The following IPP variants were observed in gnomAD, a reference collection of about 807,000 sequenced individuals.
IPP encodes intracisternal A particle-promoted polypeptide, also known as actin-binding protein IPP.
In IPP, 41 loss-of-function variants were observed where a neutral mutation model predicts 64.1. That is an observed-to-expected ratio of 0.64 (90% CI 0.50 to 0.83). The LOEUF (loss-of-function observed/expected upper bound fraction) is 0.83, where lower values mean the gene tolerates loss of function less well. Among genes scored for constraint, IPP ranks in the 40% least tolerant of loss-of-function variants. The probability of loss-of-function intolerance (pLI) is 0.00; values close to 1 mark genes in which losing one functional copy is unlikely to be tolerated. For missense variants in IPP, 649 were observed against 703.0 expected, an observed-to-expected ratio of 0.92 and a Z score of 0.87; for synonymous variants, 214 against 235.2, an observed-to-expected ratio of 0.91 and a Z score of 0.83.
At chr1:45,736,273 T>C (rs938959800) in intron 3 of IPP, among the ~76,000 whole-genome samples, 1 of 152,122 alleles carries the variant, frequency 6.6e-6, no homozygotes, top group African/African-American at 2.4e-5. Context: ...TGTTTTTATA[T>C]TTCTGTATTA....
chr1:45,715,194 CAA>C lies in IPP; in HGVS notation c.1310-730_1310-729del, dbSNP rs199978194. Among the ~76,000 whole-genome samples the C allele has an allele frequency of 6.3e-3, 643 of 102,824 alleles. 1 individual carries two copies. Among genetic ancestry groups the C allele is most frequent in the African/African-American group, 0.014 (360 of 26,662 alleles). The allele number at this position is 102,824 out of a possible 152,430, so 67.5% of individuals were successfully genotyped here. A position where few individuals can be genotyped will look rare whatever the true frequency, so the allele number is the denominator to read the frequency against. ...TGGGCAACAGAGCCAGACCTTCTCT[CAA>C]AAAAAAAAAAAAAAAAAAATTACTA... On this transcript the variant is annotated intron_variant, in intron 7 of 8. Coordinates refer to ENST00000396478, the MANE Select transcript of IPP (RefSeq NM_005897.3).
At chr1:45,694,927 C>T (rs1283300675), downstream of IPP, 1 of 155,670 alleles carries the variant, frequency 6.4e-6, no homozygotes, top group African/African-American at 2.4e-5. Flanking sequence ...ATTCTGTCGC[C>T]TAGGCTGGAG....
rs1488300126 is a variant in IPP, at chr1:45,709,053, A to AT, written c.1530+5192_1530+5193insA. On this transcript the variant is annotated intron_variant, in intron 8 of 8. Transcript: ENST00000396478. ...CATCTCAAAAAAAAAAAAAAAAAAA[A>AT]GGAGAAAAAAAAGACAGTTTCAGAA... is the stretch of plus-strand genomic sequence containing the variant. Among the ~76,000 whole-genome samples the AT allele has an allele frequency of 4.0e-3, 592 of 146,764 alleles. 6 individuals carry two copies. The highest frequency in any genetic ancestry group is 0.014 in the African/African-American group (558 of 39,880).
intron 1 of IPP, among the ~76,000 whole-genome samples, chr1:45,746,900 G>A (rs1344934839): frequency 1.3e-5 from 2 of 152,176 alleles, no homozygotes; most frequent in Non-Finnish European, 2.9e-5. Context: ...AGCACACAAA[G>A]CCCTTCGGGA....
chr1:45,721,223 T>C lies in IPP; in HGVS notation c.1049-1883A>G, dbSNP rs183115079. 1.8e-3 allele frequency among the ~76,000 whole-genome samples: 270 copies of C among 152,334 alleles called. 3 individuals are homozygous for C. The highest frequency in any genetic ancestry group is 6.3e-3 in the African/African-American group (262 of 41,588). On this transcript the variant is annotated intron_variant, in intron 5 of 8. Transcript: ENST00000396478. ...GACCCTTTGCTGGAATCTGGGAATATGGCTGGTTAACAGTTCCCTCCACTG... is the reference window on the plus strand; with the variant it reads ...GACCCTTTGCTGGAATCTGGGAATACGGCTGGTTAACAGTTCCCTCCACTG...
chr1:45,694,536 C>G, downstream of IPP: 1 of 1,397,492 alleles, frequency 7.2e-7, no homozygotes, highest in Non-Finnish European at 9.9e-7. Flanking sequence ...AAGGTAGTTC[C>G]ATTGAGTTTT....
At chr1:45,747,108 G>A (rs1335698111) in intron 1 of IPP, among the ~76,000 whole-genome samples, 2 of 149,882 alleles carry the variant, frequency 1.3e-5, no homozygotes, top group Non-Finnish European at 3.0e-5. Flanking sequence ...GCGCGCATGC[G>A]CGCGCACACG....
Position 45,729,718 on chromosome 1 carries a change from T to C in IPP, c.776A>G (p.Tyr259Cys), listed in dbSNP as rs749897211. 11 of 1,605,960 alleles carry C rather than the reference T, an allele frequency of 6.8e-6. No homozygotes were observed. Among genetic ancestry groups the C allele is most frequent in the Non-Finnish European group, 8.5e-6 (10 of 1,173,740 alleles). Residue 259 changes from tyrosine to cysteine, a missense_variant, in exon 4 of 9, where the codon TAC (tyrosine) becomes TGC (cysteine). Coordinates refer to ENST00000396478, the MANE Select transcript of IPP (RefSeq NM_005897.3). ...TTTGGGAGATTTGCATACTTCACAG[T>C]ACTCTTTCAGAAGTGTTTGCAATGC... ...RVALQTLLKEYCEVCKSPKEN... is the reference protein window; with the variant it reads ...RVALQTLLKECCEVCKSPKEN...
At chr1:45,703,005 G>A (rs1454582352) in intron 8 of IPP, among the ~76,000 whole-genome samples, 2 of 152,102 alleles carry the variant, frequency 1.3e-5, no homozygotes, top group Non-Finnish European at 2.9e-5. Context: ...TTGTACTGGA[G>A]GTTCTAGCTA....
intron 8 of IPP, among the ~76,000 whole-genome samples, chr1:45,712,747 T>A (rs2148555723): frequency 6.6e-6 from 1 of 150,384 alleles, no homozygotes; most frequent in South Asian, 2.1e-4. Context: ...CAGTCCCAGC[T>A]ACTGGAAGGC....
intron 8 of IPP, among the ~76,000 whole-genome samples, chr1:45,700,931 A>G (rs900607197): frequency 3.3e-5 from 5 of 152,230 alleles, no homozygotes; most frequent in African/African-American, 1.2e-4. Context: ...AGAGAATGAC[A>G]CAGCATGGAA....
chr1:45,749,532 T>TTTG (rs1646190315), intron 1 of IPP, among the ~76,000 whole-genome samples: 2 of 149,246 alleles, frequency 1.3e-5, no homozygotes, highest in Admixed American at 6.6e-5. Context: ...TTTGTTTTTT[T>TTTG]TTTTTTGAGA....
chr1:45,747,143 C>T (rs1396395015), intron 1 of IPP, among the ~76,000 whole-genome samples: 1 of 151,992 alleles, frequency 6.6e-6, no homozygotes, highest in African/African-American at 2.4e-5. Flanking sequence ...CTTCAGAGCT[C>T]CTTGAAACAC....
At chr1:45,741,879 C>T (rs1367515425) in intron 2 of IPP, among the ~76,000 whole-genome samples, 2 of 149,126 alleles carry the variant, frequency 1.3e-5, no homozygotes, top group African/African-American at 2.5e-5. Context: ...CCGCCCGCCT[C>T]GGCCTCCCAA....
intron 1 of IPP, among the ~76,000 whole-genome samples, chr1:45,747,447 C>A (rs1280435472): frequency 1.3e-5 from 2 of 152,060 alleles, no homozygotes; most frequent in Non-Finnish European, 2.9e-5. Context: ...TGAATCCAGG[C>A]CTTCTTACTC....
chr1:45,717,500 C>T (rs1645676681), intron 6 of IPP, among the ~76,000 whole-genome samples: 1 of 147,060 alleles, frequency 6.8e-6, no homozygotes, highest in Non-Finnish European at 1.5e-5. Flanking sequence ...ATTTTCTTAA[C>T]ACTCTCCAAT....
At chr1:45,716,819 T>C (rs1040328969) in intron 7 of IPP, 76 bp downstream of exon 7, 1 of 1,283,856 alleles carries the variant, frequency 7.8e-7, no homozygotes, top group Non-Finnish European at 1.1e-6. Context: ...AATATACTTT[T>C]GTGAAAATAA....
intron 3 of IPP, among the ~76,000 whole-genome samples, chr1:45,736,849 C>T (rs966530342): frequency 1.1e-4 from 16 of 151,622 alleles, no homozygotes; most frequent in Admixed American, 1.1e-3. Flanking sequence ...ACCATCCTGG[C>T]TAACATGGTG....
downstream of IPP, among the ~76,000 whole-genome samples, chr1:45,695,280 T>C (rs1645377369): frequency 6.6e-6 from 1 of 152,194 alleles, no homozygotes; most frequent in African/African-American, 2.4e-5. Flanking sequence ...TTCTCCCACC[T>C]CAGCCTCCTG....
Sources: gnomAD v4.1 joint callset for allele counts (sites outside exome capture counted in the v4.1 genomes callset) on GRCh38, gnomAD v4.1.1 for gene constraint, MANE v1.5 for transcripts, NCBI Gene and HGNC (gene_info 2026-07-23, HGNC 2026-07-21) for gene names.